NBEA: variants seen among roughly 807,000 people sequenced by gnomAD.
NBEA encodes the protein lysosomal-trafficking regulator 2.
NBEA carries 44 observed loss-of-function variants against 343.4 expected under a neutral mutation model. The observed-to-expected ratio is 0.13, with a 90% CI of 0.10 to 0.16. The LOEUF (loss-of-function observed/expected upper bound fraction) is 0.16, where lower values mean the gene tolerates loss of function less well. Ranked by LOEUF, NBEA falls within the 10% of genes least tolerant of loss-of-function variation. The probability of loss-of-function intolerance (pLI) is 1.00; values close to 1 mark genes in which losing one functional copy is unlikely to be tolerated. For missense variants in NBEA, 2,555 were observed against 3,631.3 expected (o/e 0.70, Z 7.62); for synonymous variants, 1,175 against 1,238.7 (o/e 0.95, Z 1.08).
intron 7 of NBEA, among the ~76,000 whole-genome samples, chr13:35,056,712 G>A (rs915653559): frequency 3.4e-4 from 51 of 152,148 alleles, no homozygotes; most frequent in African/African-American, 1.1e-3. Flanking sequence ...GGGAGGAAGA[G>A]GCAAAATAAT....
chr13:35,016,587 TATAC>T (rs755799135), intron 1 of NBEA, among the ~76,000 whole-genome samples: 61 of 49,124 alleles, frequency 1.2e-3, no homozygotes, highest in South Asian at 4.1e-3. Context: ...CTTGTATGTG[TATAC>T]ACACACACAC....
At chr13:35,187,682 T>G (rs1004039002) in intron 30 of NBEA, among the ~76,000 whole-genome samples, 2 of 152,018 alleles carry the variant, frequency 1.3e-5, no homozygotes, top group South Asian at 4.2e-4. Context: ...TTTTTACAGT[T>G]TTGCTGCCTA....
intron 47 of NBEA, among the ~76,000 whole-genome samples, chr13:35,600,349 C>G (rs1336676556): frequency 6.6e-6 from 1 of 152,140 alleles, no homozygotes; most frequent in East Asian, 1.9e-4. Flanking sequence ...TTTTTGCATG[C>G]CTCACATAAC....
chr13:35,504,855 T>C (rs2077015993), intron 41 of NBEA, among the ~76,000 whole-genome samples: 1 of 152,038 alleles, frequency 6.6e-6, no homozygotes, highest in Non-Finnish European at 1.5e-5. Flanking sequence ...CAAACAGTCC[T>C]CCCCGCTTGG....
chr13:35,073,809 G>A (rs1048746902), intron 10 of NBEA, among the ~76,000 whole-genome samples: 2 of 152,010 alleles, frequency 1.3e-5, no homozygotes, highest in African/African-American at 4.8e-5. Context: ...GGGCATGGTG[G>A]CATGCACCTG....
chr13:35,310,051 A>T (rs572047329), intron 36 of NBEA, among the ~76,000 whole-genome samples: 75 of 152,180 alleles, frequency 4.9e-4, no homozygotes, highest in Non-Finnish European at 9.9e-4. Context: ...TGTCTCGGTT[A>T]GAAATTTGTA....
intron 17 of NBEA, among the ~76,000 whole-genome samples, chr13:35,139,057 C>CT (rs36053692): frequency 0.78 from 75,947 of 97,286 alleles, 31,814 homozygotes; most frequent in Non-Finnish European, 0.84. Context: ...CAAGAAATAT[C>CT]TTTTTTTTTT....
intron 38 of NBEA, among the ~76,000 whole-genome samples, chr13:35,393,032 T>C (rs1045633089): frequency 3.9e-5 from 6 of 152,186 alleles, no homozygotes; most frequent in African/African-American, 1.4e-4. Context: ...TCAGTAATTA[T>C]GATCTACATT....
intron 10 of NBEA, among the ~76,000 whole-genome samples, chr13:35,071,599 T>C (rs1369306465): frequency 6.6e-6 from 1 of 151,988 alleles, no homozygotes; most frequent in East Asian, 1.9e-4. Flanking sequence ...GCAAGTTATA[T>C]AGATAAGCAT....
At chr13:35,311,849 C>G (rs1394676133) in intron 36 of NBEA, among the ~76,000 whole-genome samples, 1 of 151,862 alleles carries the variant, frequency 6.6e-6, no homozygotes, top group African/African-American at 2.4e-5. Flanking sequence ...AGCGAGACTT[C>G]GTCCCCCCAC....
At chr13:35,036,360 G>C (rs1354983811) in intron 1 of NBEA, among the ~76,000 whole-genome samples, 2 of 151,988 alleles carry the variant, frequency 1.3e-5, no homozygotes, top group Non-Finnish European at 2.9e-5. Context: ...CCTATGTCTT[G>C]AAAAGTAGTT....
chr13:35,629,832 G>C (rs1054473699), intron 49 of NBEA, among the ~76,000 whole-genome samples: 1 of 152,014 alleles, frequency 6.6e-6, no homozygotes, highest in Admixed American at 6.5e-5. Context: ...TTCTTTTAAG[G>C]CTAATACCTT....
chr13:35,651,958 A>G (rs1237465261), intron 53 of NBEA, 82 bp downstream of exon 53: 1 of 821,404 alleles, frequency 1.2e-6, no homozygotes, highest in African/African-American at 1.7e-5. Flanking sequence ...ATAGTTGAAC[A>G]ATATTTTTTC....
chr13:35,349,105 T>C lies in NBEA; in HGVS notation c.5904-3T>C, dbSNP rs1299852768. 6.6e-7 allele frequency: 1 copy of C among 1,512,248 alleles called. No homozygotes were observed. Among genetic ancestry groups the C allele is most frequent in the Admixed American group, 2.0e-5 (1 of 51,066 alleles). The allele number at this position is 1,512,248 out of a possible 1,614,324, so 93.7% of individuals were successfully genotyped here. A position where few individuals can be genotyped will look rare whatever the true frequency, so the allele number is the denominator to read the frequency against. On this transcript the variant is annotated splice_polypyrimidine_tract_variant and splice_region_variant and intron_variant, in intron 36 of 58. Transcript: ENST00000379939. ...ATATTTCTAAAGGTATTTTTCTTTT[T>C]AGATTACTGTGCCATGCTATGAAGG...
chr13:35,427,324 T>C (rs2044754013), intron 38 of NBEA, among the ~76,000 whole-genome samples: 1 of 152,224 alleles, frequency 6.6e-6, no homozygotes. Context: ...GTGGATGTCC[T>C]TCCTGTTTGT....
chr13:35,226,655 TTGAC>T (rs981627897), intron 33 of NBEA, among the ~76,000 whole-genome samples: 6 of 151,924 alleles, frequency 3.9e-5, no homozygotes, highest in African/African-American at 1.2e-4. Flanking sequence ...ATTTAAGTGA[TTGAC>T]TGGAAACAAG....
At chr13:34,982,623 G>T (rs1185528648) in intron 1 of NBEA, among the ~76,000 whole-genome samples, 3 of 152,052 alleles carry the variant, frequency 2.0e-5, no homozygotes, top group Non-Finnish European at 2.9e-5. Context: ...TAAATCCATT[G>T]TGGTACAAAG....
intron 36 of NBEA, among the ~76,000 whole-genome samples, chr13:35,340,672 C>T (rs935239954): frequency 1.3e-5 from 2 of 151,584 alleles, no homozygotes; most frequent in African/African-American, 2.4e-5. Flanking sequence ...TAAATTTAGC[C>T]AAAGAATGTC....
At chr13:35,568,359 G>C (rs2080232487) in intron 45 of NBEA, among the ~76,000 whole-genome samples, 1 of 152,158 alleles carries the variant, frequency 6.6e-6, no homozygotes, top group South Asian at 2.1e-4. Flanking sequence ...ACAACTGGTA[G>C]AAATAAATTG....
Sources: gnomAD v4.1 joint callset for allele counts (sites outside exome capture counted in the v4.1 genomes callset) on GRCh38, gnomAD v4.1.1 for gene constraint, MANE v1.5 for transcripts, NCBI Gene and HGNC (gene_info 2026-07-23, HGNC 2026-07-21) for gene names.